The following NEGR1 variants were observed in gnomAD, a reference collection of about 807,000 sequenced individuals.
NEGR1 encodes the protein IgLON family member 4.
A neutral mutation model predicts 40.9 loss-of-function variants in NEGR1; 10 were observed. The observed-to-expected ratio is 0.24, with a 90% CI of 0.15 to 0.42. The LOEUF is 0.42. NEGR1 is among the 10% of genes least tolerant of loss of function. NEGR1 has a pLI of 1.00. For missense variants in NEGR1, 352 were observed against 438.9 expected (o/e 0.80, Z 1.77); for synonymous variants, 185 against 166.8 (o/e 1.11, Z -0.84).
At chr1:72,022,260 CATATATATATATATATATATAT>C (rs59160727) in intron 1 of NEGR1, among the ~76,000 whole-genome samples, 15,017 of 111,742 alleles carry the variant, frequency 0.13, 1,043 homozygotes, top group Middle Eastern at 0.26. Context: ...AAACAATTTT[CATATATATATATATATATATAT>C]ATATATATAT....
chr1:71,705,720 A>G (rs1421019897), intron 3 of NEGR1, among the ~76,000 whole-genome samples: 2 of 151,128 alleles, frequency 1.3e-5, no homozygotes, highest in Non-Finnish European at 3.0e-5. Context: ...ACTCAGTAAA[A>G]AGAAAAGAAA....
At chr1:71,852,491 C>T (rs778937892) in intron 2 of NEGR1, among the ~76,000 whole-genome samples, 7 of 152,052 alleles carry the variant, frequency 4.6e-5, no homozygotes, top group Non-Finnish European at 7.4e-5. Flanking sequence ...CTGGAGCCTA[C>T]GCATGCCACA....
At chr1:71,983,660 A>G (rs1429554569) in intron 1 of NEGR1, among the ~76,000 whole-genome samples, 4 of 152,154 alleles carry the variant, frequency 2.6e-5, no homozygotes, top group Non-Finnish European at 5.9e-5. Context: ...GTGAACAACT[A>G]AACTCTCAGA....
intron 1 of NEGR1, among the ~76,000 whole-genome samples, chr1:72,237,909 G>T (rs1654611228): frequency 6.6e-6 from 1 of 151,882 alleles, no homozygotes; most frequent in Admixed American, 6.6e-5. Context: ...CAGGGTTTTT[G>T]TGAACATTAA....
intron 2 of NEGR1, among the ~76,000 whole-genome samples, chr1:71,801,904 G>C (rs887064451): frequency 2.6e-5 from 4 of 152,172 alleles, no homozygotes; most frequent in African/African-American, 9.7e-5. Context: ...TATTGTTTTA[G>C]AGAACATATA....
intron 1 of NEGR1, among the ~76,000 whole-genome samples, chr1:72,109,557 C>T (rs1457005411): frequency 6.6e-6 from 1 of 151,624 alleles, no homozygotes; most frequent in South Asian, 2.1e-4. Context: ...CCTGCAGATC[C>T]TTTTCATATT....
At chr1:72,256,581 ATT>A (rs1655277236) in intron 1 of NEGR1, among the ~76,000 whole-genome samples, 1 of 152,214 alleles carries the variant, frequency 6.6e-6, no homozygotes, top group Non-Finnish European at 1.5e-5. Context: ...ATCAAACTTA[ATT>A]TGTTTCCTAA....
At chr1:71,852,683 T>A (rs1201456389) in intron 2 of NEGR1, among the ~76,000 whole-genome samples, 1 of 152,084 alleles carries the variant, frequency 6.6e-6, no homozygotes, top group Non-Finnish European at 1.5e-5. Context: ...CCTTTGTAAT[T>A]TGCAGATTTC....
At chr1:72,012,875 A>ATG (rs1320858509) in intron 1 of NEGR1, among the ~76,000 whole-genome samples, 1 of 103,050 alleles carries the variant, frequency 9.7e-6, no homozygotes, top group East Asian at 3.8e-4. Context: ...ACATATATAT[A>ATG]TATTTTTTTT....
intron 1 of NEGR1, among the ~76,000 whole-genome samples, chr1:72,020,347 G>A (rs1646746154): frequency 6.6e-6 from 1 of 152,062 alleles, no homozygotes; most frequent in Admixed American, 6.6e-5. Flanking sequence ...CCAGGAAAGG[G>A]GAAAGATCCA....
chr1:72,131,853 T>G (rs1234589514), intron 1 of NEGR1, among the ~76,000 whole-genome samples: 1 of 152,114 alleles, frequency 6.6e-6, no homozygotes, highest in Non-Finnish European at 1.5e-5. Flanking sequence ...TCCCAGCACT[T>G]TGGGAGGCTG....
intron 3 of NEGR1, among the ~76,000 whole-genome samples, chr1:71,723,927 C>T (rs1033838984): frequency 6.6e-6 from 1 of 151,894 alleles, no homozygotes; most frequent in African/African-American, 2.4e-5. Context: ...GACACCCAGA[C>T]GGTGTCAGTT....
chr1:72,206,913 A>C (rs929462069), intron 1 of NEGR1, among the ~76,000 whole-genome samples: 1 of 151,996 alleles, frequency 6.6e-6, no homozygotes, highest in African/African-American at 2.4e-5. Flanking sequence ...ATGAAAAGTA[A>C]GAGAACCAGT....
intron 3 of NEGR1, among the ~76,000 whole-genome samples, chr1:71,716,068 C>T (rs186656729): frequency 6.8e-4 from 103 of 152,166 alleles, no homozygotes; most frequent in Admixed American, 1.5e-3. Context: ...GTTGCTGAGG[C>T]GGCCTCAGGA....
chr1:71,981,863 C>T (rs1646357197), intron 1 of NEGR1, among the ~76,000 whole-genome samples: 1 of 152,130 alleles, frequency 6.6e-6, no homozygotes, highest in South Asian at 2.1e-4. Flanking sequence ...AGTTTATATT[C>T]ATGATATGAA....
intron 1 of NEGR1, among the ~76,000 whole-genome samples, chr1:71,949,217 C>G (rs999486316): frequency 5.9e-5 from 9 of 152,082 alleles, no homozygotes; most frequent in Non-Finnish European, 1.2e-4. Flanking sequence ...ACTGAAATGT[C>G]TCATGTGATA....
chr1:71,428,759 C>T (rs1646445903), intron 6 of NEGR1, among the ~76,000 whole-genome samples: 1 of 151,458 alleles, frequency 6.6e-6, no homozygotes, highest in Admixed American at 6.6e-5. Flanking sequence ...AACTGAGATA[C>T]ATAAATGTTG....
intron 1 of NEGR1, among the ~76,000 whole-genome samples, chr1:72,019,867 A>T (rs1289836406): frequency 1.3e-5 from 2 of 152,156 alleles, no homozygotes; most frequent in African/African-American, 4.8e-5. Flanking sequence ...TATAAATAAA[A>T]CCTTATGACT....
At chr1:72,224,736 A>T (rs757866433) in intron 1 of NEGR1, among the ~76,000 whole-genome samples, 8 of 151,980 alleles carry the variant, frequency 5.3e-5, no homozygotes, top group Non-Finnish European at 1.2e-4. Flanking sequence ...TACTACCTCC[A>T]ATTTTGGAGT....
Sources: allele counts gnomAD v4.1 joint callset (sites outside exome capture counted in the v4.1 genomes callset), GRCh38; gene constraint gnomAD v4.1.1; transcripts MANE v1.5; gene names NCBI Gene and HGNC (gene_info 2026-07-23, HGNC 2026-07-21).